The following SWAP70 variants were observed in gnomAD, a reference collection of about 807,000 sequenced individuals.
SWAP70 encodes switch-associated protein 70.
In SWAP70, 34 loss-of-function variants were observed where a neutral mutation model predicts 80.2. The observed-to-expected ratio is 0.42, with a 90% CI of 0.32 to 0.56. The LOEUF (loss-of-function observed/expected upper bound fraction) is 0.56. SWAP70 is among the 20% of genes least tolerant of loss of function. The probability of loss-of-function intolerance (pLI) is 0.09; values close to 1 mark genes in which losing one functional copy is unlikely to be tolerated. For synonymous variants in SWAP70, 239 were observed against 238.5 expected, an observed-to-expected ratio of 1.00 and a Z score of -0.02; for missense variants, 578 against 690.7, an observed-to-expected ratio of 0.84 and a Z score of 1.83.
intron 9 of SWAP70, among the ~76,000 whole-genome samples, chr11:9,746,178 G>C (rs1851510170): frequency 6.6e-6 from 1 of 152,202 alleles, no homozygotes; most frequent in Non-Finnish European, 1.5e-5. Flanking sequence ...AGCCCAGCTT[G>C]TGCCTCCACC....
intron 6 of SWAP70, 76 bp from the exon 7 acceptor site, chr11:9,732,453 G>C (rs78855507): frequency 3.6e-6 from 5 of 1,398,902 alleles, no homozygotes; most frequent in Non-Finnish European, 4.9e-6. Context: ...TCTTCCCACT[G>C]TGCCATTTGC....
At chr11:9,740,735 A>C in intron 9 of SWAP70, 1 of 225,296 alleles carries the variant, frequency 4.4e-6, no homozygotes, top group African/African-American at 2.3e-5. Context: ...TGTTCAGGCC[A>C]ACGTTGCCGT....
chr11:9,699,088 A>G (rs1322010929), intron 2 of SWAP70, among the ~76,000 whole-genome samples: 1 of 152,190 alleles, frequency 6.6e-6, no homozygotes, highest in Admixed American at 6.6e-5. Flanking sequence ...GTATGATTCT[A>G]TTTATATGAA....
At chr11:9,741,447 A>G (rs1448613395) in intron 9 of SWAP70, 1 of 152,172 alleles carries the variant, frequency 6.6e-6, no homozygotes. Flanking sequence ...GCCACTCGGC[A>G]GTGATTTTAG....
intron 1 of SWAP70, among the ~76,000 whole-genome samples, chr11:9,691,375 A>G (rs981446285): frequency 3.9e-5 from 6 of 152,252 alleles, no homozygotes; most frequent in Non-Finnish European, 7.3e-5. Flanking sequence ...GACAGTGAGG[A>G]TGCAGAGACA....
chr11:9,733,004 C>T (rs1851320321), intron 7 of SWAP70, among the ~76,000 whole-genome samples: 1 of 152,056 alleles, frequency 6.6e-6, no homozygotes. Flanking sequence ...AATTTCATTC[C>T]CTTGAGGGTG....
At chr11:9,737,856 A>G (rs970911406) in intron 7 of SWAP70, among the ~76,000 whole-genome samples, 10 of 152,240 alleles carry the variant, frequency 6.6e-5, no homozygotes, top group Non-Finnish European at 1.5e-4. Context: ...AGATCGTGCC[A>G]CTGCACTCCA....
rs998048768 is a variant in SWAP70, at chr11:9,707,235, C to A, written c.241-6231C>A. Among the ~76,000 whole-genome samples, 5 of 152,110 alleles carry A rather than the reference C, an allele frequency of 3.3e-5. No individual in the cohort carries two copies. The East Asian group carries it at 9.6e-4, about 29-fold the overall frequency. ...ATAGTACAGTATTTTTAACTGTATGCACATTATTGTACAACAGAACTTTAG... is the reference window on the plus strand; with the variant it reads ...ATAGTACAGTATTTTTAACTGTATGAACATTATTGTACAACAGAACTTTAG... On this transcript the variant is annotated intron_variant, in intron 2 of 11. Coordinates refer to ENST00000318950, the MANE Select transcript of SWAP70 (RefSeq NM_015055.4).
chr11:9,748,443 A>G (rs1851540208), intron 10 of SWAP70, among the ~76,000 whole-genome samples: 2 of 152,176 alleles, frequency 1.3e-5, no homozygotes, highest in Non-Finnish European at 2.9e-5. Flanking sequence ...CCTTAACCCC[A>G]GTGTTGTGAT....
rs557589729 is a variant in SWAP70, at chr11:9,750,991, G to T, written c.*1021G>T. 2 of 151,994 alleles carry T rather than the reference G, an allele frequency of 1.3e-5. No homozygotes were observed. The highest frequency in any genetic ancestry group is 2.4e-5 in the African/African-American group (1 of 41,352). 9.4% of individuals were successfully genotyped at this position (151,994 alleles called of 1,614,324 possible). On this transcript the variant is annotated 3_prime_UTR_variant, in exon 12 of 12. Coordinates refer to ENST00000318950, the MANE Select transcript of SWAP70 (RefSeq NM_015055.4). Reference sequence around the variant, plus strand: ...CATATTGTCAACCTAATTTTCTCTCGTACTCTCTCTAGTGAATGATGTGCT... The same window carrying T: ...CATATTGTCAACCTAATTTTCTCTCTTACTCTCTCTAGTGAATGATGTGCT...
At chr11:9,747,069 A>G (rs1433158618) in intron 9 of SWAP70, among the ~76,000 whole-genome samples, 1 of 152,192 alleles carries the variant, frequency 6.6e-6, no homozygotes. Flanking sequence ...GACACTATAT[A>G]CACTTTAATG....
At chr11:9,707,807 T>A (rs1413729918) in intron 2 of SWAP70, among the ~76,000 whole-genome samples, 1 of 152,164 alleles carries the variant, frequency 6.6e-6, no homozygotes, top group South Asian at 2.1e-4. Context: ...CCACCTGCGT[T>A]GGCCTCCCAA....
intron 4 of SWAP70, among the ~76,000 whole-genome samples, chr11:9,725,454 C>T (rs1176222377): frequency 1.5e-4 from 21 of 140,868 alleles, no homozygotes; most frequent in African/African-American, 3.4e-4. Flanking sequence ...GAGGCTGAGG[C>T]GGGTGGATCA....
chr11:9,676,037 A>G (rs1332590081), intron 1 of SWAP70, among the ~76,000 whole-genome samples: 1 of 152,230 alleles, frequency 6.6e-6, no homozygotes, highest in Non-Finnish European at 1.5e-5. Context: ...GCAAAGATTT[A>G]CTTGCTTTTC....
chr11:9,738,228 G>A lies in SWAP70; in HGVS notation c.1096G>A (p.Ala366Thr). The A allele has an allele frequency of 1.9e-6, 3 of 1,608,522 alleles. No homozygotes were observed. The highest frequency in any genetic ancestry group is 2.5e-6 in the Non-Finnish European group (3 of 1,177,400). Residue 366 changes from alanine (A) to threonine (T), a missense_variant, in exon 8 of 12, where the codon GCA becomes ACA. Transcript: ENST00000318950. ...EAVRKKLEEA[A>T]SRAAEEEKKR... ...GATTGGCTAGAAACTGGAGGAAGCA[G>A]CATCTCGTGCAGCAGAAGAGGAAAA... is the stretch of plus-strand genomic sequence containing the variant.
At chr11:9,735,525 A>G (rs748645503) in intron 7 of SWAP70, among the ~76,000 whole-genome samples, 6 of 152,230 alleles carry the variant, frequency 3.9e-5, no homozygotes, top group Admixed American at 1.3e-4. Flanking sequence ...TAGGGAATGA[A>G]TTCTCAGAAG....
intron 1 of SWAP70, among the ~76,000 whole-genome samples, chr11:9,686,982 C>G (rs1850641275): frequency 6.6e-6 from 1 of 152,184 alleles, no homozygotes; most frequent in Non-Finnish European, 1.5e-5. Context: ...TATATCTCCT[C>G]AAACACCAGG....
chr11:9,743,419 A>G (rs1159039481), intron 9 of SWAP70, among the ~76,000 whole-genome samples: 1 of 151,946 alleles, frequency 6.6e-6, no homozygotes. Flanking sequence ...ATACCCAGTA[A>G]TGGGATGGCT....
intron 2 of SWAP70, among the ~76,000 whole-genome samples, chr11:9,709,714 C>G (rs970062030): frequency 1.3e-5 from 2 of 152,084 alleles, no homozygotes; most frequent in African/African-American, 4.8e-5. Flanking sequence ...ATCTCAAACT[C>G]CTGAACTCAA....
Sources: gnomAD v4.1 joint callset for allele counts (sites outside exome capture counted in the v4.1 genomes callset) on GRCh38, gnomAD v4.1.1 for gene constraint, MANE v1.5 for transcripts, NCBI Gene and HGNC (gene_info 2026-07-23, HGNC 2026-07-21) for gene names.